The following PLEKHA5 variants were observed in gnomAD, a reference collection of about 807,000 sequenced individuals.
PLEKHA5 encodes the protein pleckstrin homology domain-containing family A member 5.
PLEKHA5 carries 55 observed loss-of-function variants against 181.9 expected under a neutral mutation model. The ratio of observed to expected loss-of-function variants is 0.30; its 90% confidence interval spans 0.24 to 0.38. The LOEUF (loss-of-function observed/expected upper bound fraction) is 0.38. Ranked by LOEUF, PLEKHA5 falls within the 10% of genes least tolerant of loss-of-function variation. PLEKHA5 has a pLI of 1.00. For missense variants in PLEKHA5, 1,432 were observed against 1,549.5 expected, an observed-to-expected ratio of 0.92 and a Z score of 1.27; for synonymous variants, 535 against 529.4, an observed-to-expected ratio of 1.01 and a Z score of -0.15.
intron 3 of PLEKHA5, among the ~76,000 whole-genome samples, chr12:19,182,296 CTTTT>C (rs1424069100): frequency 6.6e-6 from 1 of 152,046 alleles, no homozygotes; most frequent in African/African-American, 2.4e-5. Context: ...TTCTTTCTTT[CTTTT>C]ATTATTGCCA....
intron 3 of PLEKHA5, among the ~76,000 whole-genome samples, chr12:19,232,451 G>A: frequency 6.6e-6 from 1 of 152,060 alleles, no homozygotes; most frequent in Non-Finnish European, 1.5e-5. Flanking sequence ...GGATTTGGAA[G>A]AAATAAGGAG....
chr12:19,261,904 A>G (rs2068627181), intron 7 of PLEKHA5, among the ~76,000 whole-genome samples: 1 of 152,200 alleles, frequency 6.6e-6, no homozygotes, highest in Non-Finnish European at 1.5e-5. Flanking sequence ...AAAATTTGGA[A>G]TTACTAGAAT....
intron 16 of PLEKHA5, among the ~76,000 whole-genome samples, chr12:19,319,351 G>A (rs903618683): frequency 1.3e-5 from 2 of 152,078 alleles, no homozygotes; most frequent in Admixed American, 6.6e-5. Context: ...AGGATTTATT[G>A]TATGTTTGGA....
intron 3 of PLEKHA5, among the ~76,000 whole-genome samples, chr12:19,159,894 A>C (rs975535362): frequency 1.5e-4 from 23 of 152,174 alleles, no homozygotes; most frequent in African/African-American, 5.5e-4. Flanking sequence ...ATGGTCATGC[A>C]TAATTATATA....
At chr12:19,177,799 T>C (rs546907420) in intron 3 of PLEKHA5, among the ~76,000 whole-genome samples, 107 of 152,366 alleles carry the variant, frequency 7.0e-4, no homozygotes, top group Non-Finnish European at 1.3e-3. Context: ...TTTTTAATTC[T>C]ACGGATCAGT....
At chr12:19,135,189 AATG>A (rs2035243479) in intron 3 of PLEKHA5, among the ~76,000 whole-genome samples, 1 of 152,122 alleles carries the variant, frequency 6.6e-6, no homozygotes, top group South Asian at 2.1e-4. Context: ...CTCCTGGACA[AATG>A]TTGGTTGGTG....
intron 15 of PLEKHA5, among the ~76,000 whole-genome samples, chr12:19,311,231 G>C (rs2086384216): frequency 6.7e-6 from 1 of 148,412 alleles, no homozygotes; most frequent in Non-Finnish European, 1.5e-5. Flanking sequence ...TTTGAGACCA[G>C]CCTTGGCAAC....
At chr12:19,253,587 C>T (rs1316791426) in intron 3 of PLEKHA5, among the ~76,000 whole-genome samples, 1 of 151,654 alleles carries the variant, frequency 6.6e-6, no homozygotes, top group Non-Finnish European at 1.5e-5. Flanking sequence ...GAGGCCGAGG[C>T]GGGTGGATCA....
intron 3 of PLEKHA5, among the ~76,000 whole-genome samples, chr12:19,234,548 A>C (rs114190824): frequency 6.6e-6 from 1 of 152,272 alleles, no homozygotes; most frequent in African/African-American, 2.4e-5. Context: ...AAGCTTCCAG[A>C]GTCTCTTGAC....
intron 22 of PLEKHA5, among the ~76,000 whole-genome samples, chr12:19,344,464 T>G (rs1030233642): frequency 2.0e-5 from 3 of 152,222 alleles, no homozygotes; most frequent in Non-Finnish European, 4.4e-5. Flanking sequence ...GGAACTGTAA[T>G]ATATTTATCC....
intron 3 of PLEKHA5, among the ~76,000 whole-genome samples, chr12:19,192,753 C>T (rs1278106943): frequency 1.2e-4 from 19 of 152,016 alleles, no homozygotes; most frequent in Admixed American, 1.2e-3. Flanking sequence ...AATTAGTAAA[C>T]CTAATCATTA....
At chr12:19,196,812 CT>C (rs3056387) in intron 3 of PLEKHA5, among the ~76,000 whole-genome samples, 13,256 of 122,360 alleles carry the variant, frequency 0.11, 794 homozygotes, top group African/African-American at 0.22. Flanking sequence ...TTTTTTTTTT[CT>C]TTTTTTTTTT....
In PLEKHA5 at chr12:19,221,557, T is replaced by C. The variant is rs540669197; in HGVS notation, c.228-32383T>C. Among the ~76,000 whole-genome samples, 11 of 152,256 alleles carry C rather than the reference T, an allele frequency of 7.2e-5. No individual in the cohort carries two copies. In the South Asian group the frequency reaches 2.3e-3, roughly 32 times the overall value. ...CCGTATGACACTGTAATTATGTTCA[T>C]GCGACACTGTCTGTCAAAACCCATT... On this transcript the variant is annotated intron_variant, in intron 3 of 31. Coordinates refer to ENST00000429027, the MANE Select transcript of PLEKHA5 (RefSeq NM_001256470.2).
At chr12:19,317,132 C>T (rs1229967150) in intron 16 of PLEKHA5, among the ~76,000 whole-genome samples, 1 of 151,974 alleles carries the variant, frequency 6.6e-6, no homozygotes, top group Non-Finnish European at 1.5e-5. Flanking sequence ...TTTATGAGGC[C>T]AAAGCTGAAG....
At chr12:19,275,521 T>C (rs2152742157) in intron 11 of PLEKHA5, among the ~76,000 whole-genome samples, 1 of 152,288 alleles carries the variant, frequency 6.6e-6, no homozygotes, top group East Asian at 1.9e-4. Context: ...CCCAGCACTT[T>C]GGGAGGCCAA....
intron 3 of PLEKHA5, among the ~76,000 whole-genome samples, chr12:19,231,541 T>G (rs2060551839): frequency 6.7e-6 from 1 of 148,374 alleles, no homozygotes. Flanking sequence ...TACACATATA[T>G]ATGTATATAT....
chr12:19,368,740 G>A lies in PLEKHA5; in HGVS notation c.3755-953G>A, dbSNP rs183012142. Among the ~76,000 whole-genome samples, 382 of 152,170 alleles carry A rather than the reference G, an allele frequency of 2.5e-3. 3 individuals are homozygous for A. Among genetic ancestry groups the A allele is most frequent in the Non-Finnish European group, 1.7e-3 (119 of 68,008 alleles). On this transcript the variant is annotated intron_variant, in intron 30 of 31. Transcript: ENST00000429027. ...TGGGAGGCAGAGGTTGTGATGAGCC[G>A]AGATCACGCCACTGCACTCCAGCCT...
chr12:19,340,931 C>T (rs1480152226), intron 21 of PLEKHA5, among the ~76,000 whole-genome samples: 1 of 138,094 alleles, frequency 7.2e-6, no homozygotes, highest in Non-Finnish European at 1.6e-5. Flanking sequence ...CGAGAAACAC[C>T]CAAGAATGAT....
intron 30 of PLEKHA5, among the ~76,000 whole-genome samples, chr12:19,368,249 C>T (rs1235371302): frequency 7.3e-5 from 11 of 151,216 alleles, no homozygotes; most frequent in Non-Finnish European, 8.8e-5. Context: ...TCAGCACTTT[C>T]GGAAGCCAAG....
Sources: gnomAD v4.1 joint callset for allele counts (sites outside exome capture counted in the v4.1 genomes callset) on GRCh38, gnomAD v4.1.1 for gene constraint, MANE v1.5 for transcripts, NCBI Gene and HGNC (gene_info 2026-07-23, HGNC 2026-07-21) for gene names.